SMPX: variants seen among roughly 807,000 people sequenced by gnomAD.
SMPX encodes small muscle protein X-linked.
SMPX carries 2 observed loss-of-function variants against 6.3 expected under a neutral mutation model. The observed-to-expected ratio is 0.32, with a 90% CI of 0.13 to 0.99. The LOEUF (loss-of-function observed/expected upper bound fraction) is 0.99, where lower values mean the gene tolerates loss of function less well. Among genes scored for constraint, SMPX ranks in the 50% least tolerant of loss-of-function variants. SMPX has a pLI of 0.49. For synonymous variants in SMPX, 32 were observed against 24.7 expected (o/e 1.30, Z -0.88); for missense variants, 60 against 66.8 (o/e 0.90, Z 0.36).
intron 4 of SMPX, among the ~76,000 whole-genome samples, chrX:21,707,859 T>G (rs1024635092): frequency 8.9e-6 from 1 of 112,222 alleles, no homozygotes; most frequent in Non-Finnish European, 1.9e-5. Context: ...CCAGATGACC[T>G]GCAGACACAT....
At chrX:21,756,284 A>G (rs1358338394) in intron 1 of SMPX, among the ~76,000 whole-genome samples, 1 of 112,324 alleles carries the variant, frequency 8.9e-6, no homozygotes. Flanking sequence ...TAGTCAATGA[A>G]TGATTGTTAT....
chrX:21,747,738 G>T (rs771050074), intron 2 of SMPX, among the ~76,000 whole-genome samples: 11 of 110,893 alleles, frequency 9.9e-5, no homozygotes, highest in Admixed American at 8.7e-4. Flanking sequence ...CTTTTCGTCC[G>T]CACTCTGTCT....
At chrX:21,743,979 C>T (rs1602109859) in intron 2 of SMPX, 143 bp from the exon 3 acceptor site, 1 of 486,880 alleles carries the variant, frequency 2.1e-6, no homozygotes, top group South Asian at 3.0e-5. Context: ...GCTGTAATGA[C>T]AGCATAAAAA....
At chrX:21,734,559 G>A (rs752886551) in intron 4 of SMPX, among the ~76,000 whole-genome samples, 2 of 111,851 alleles carry the variant, frequency 1.8e-5, no homozygotes, top group Non-Finnish European at 1.9e-5. Flanking sequence ...CAGCCAGGAG[G>A]ATTCCAAAAT....
At chrX:21,709,351 C>CCTGTTA (rs1295119190) in intron 4 of SMPX, among the ~76,000 whole-genome samples, 2 of 112,220 alleles carry the variant, frequency 1.8e-5, no homozygotes, top group Non-Finnish European at 3.8e-5. Flanking sequence ...CCATGATTCT[C>CCTGTTA]CATGTAACAT....
At chrX:21,714,008 T>G (rs1463849984) in intron 4 of SMPX, among the ~76,000 whole-genome samples, 1 of 112,177 alleles carries the variant, frequency 8.9e-6, no homozygotes. Flanking sequence ...TATATATCCA[T>G]GTAAGGCCTT....
intron 4 of SMPX, among the ~76,000 whole-genome samples, chrX:21,722,041 G>T (rs2092792267): frequency 9.1e-6 from 1 of 110,474 alleles, no homozygotes. Context: ...TGCACCTGTG[G>T]TCCCAGCTAC....
intron 4 of SMPX, among the ~76,000 whole-genome samples, chrX:21,715,230 C>A (rs1330531830): frequency 9.3e-6 from 1 of 107,959 alleles, no homozygotes; most frequent in African/African-American, 3.4e-5. Flanking sequence ...GATTTGAGAT[C>A]TTGTTTATAG....
intron 4 of SMPX, among the ~76,000 whole-genome samples, chrX:21,737,102 G>A (rs766671304): frequency 9.0e-6 from 1 of 111,061 alleles, no homozygotes; most frequent in South Asian, 3.9e-4. Flanking sequence ...TGAACTCCTG[G>A]GTCTCTGCCT....
chrX:21,726,182 T>C (rs1248844024), intron 4 of SMPX, among the ~76,000 whole-genome samples: 1 of 112,176 alleles, frequency 8.9e-6, no homozygotes, highest in East Asian at 2.8e-4. Context: ...TGTCCCACTC[T>C]TTCCAGCACA....
chrX:21,738,899 C>G (rs1488637234), intron 3 of SMPX, among the ~76,000 whole-genome samples: 2 of 111,372 alleles, frequency 1.8e-5, no homozygotes, highest in Non-Finnish European at 3.8e-5. Context: ...AACTCCCTCC[C>G]ATTTTTCCTT....
In SMPX at chrX:21,738,973, C is replaced by A. The variant is rs184359033; in HGVS notation, c.133-1276G>T. Among the ~76,000 whole-genome samples, 57 of 111,508 alleles carry A rather than the reference C, an allele frequency of 5.1e-4. 1 individual carries two copies. The Admixed American group carries it at 5.4e-3, about 11-fold the overall frequency. On this transcript the variant is annotated intron_variant, in intron 3 of 4. Transcript: ENST00000379494. ...CCTGAAGGACCCAAACTAACACAGACTGGCGCAGATCTCCATCTGCTTGGC... is the reference window on the plus strand; with the variant it reads ...CCTGAAGGACCCAAACTAACACAGAATGGCGCAGATCTCCATCTGCTTGGC...
Position 21,717,444 on chromosome X carries a change from A to G in SMPX, c.*15-11050T>C, listed in dbSNP as rs1296053488. Among the ~76,000 whole-genome samples, 4 of 112,502 alleles carry G rather than the reference A, an allele frequency of 3.6e-5. No homozygotes were observed. The East Asian group carries it at 1.1e-3, about 31-fold the overall frequency. ...CCCAGTCTCAAATATGTCTTTATTA[A>G]CAGCGTAAGAACAGACTAATACAGG... On this transcript the variant is annotated intron_variant, in intron 4 of 4. Transcript: ENST00000379494.
chrX:21,745,056 G>A (rs1171572864), intron 2 of SMPX, among the ~76,000 whole-genome samples: 1 of 111,249 alleles, frequency 9.0e-6, no homozygotes, highest in African/African-American at 3.3e-5. Context: ...TTCCTACCCA[G>A]GGGCTTTAAA....
intron 4 of SMPX, among the ~76,000 whole-genome samples, chrX:21,717,757 A>G (rs1180662320): frequency 8.9e-6 from 1 of 112,556 alleles, no homozygotes. Flanking sequence ...GAAGCCATGG[A>G]TGCTTTGCCC....
At chrX:21,714,904 T>C (rs1346993347) in intron 4 of SMPX, among the ~76,000 whole-genome samples, 1 of 112,279 alleles carries the variant, frequency 8.9e-6, no homozygotes, top group African/African-American at 3.2e-5. Context: ...ATACATTTCA[T>C]GCAAAACAAT....
chrX:21,720,259 C>A (rs1439032181), intron 4 of SMPX, among the ~76,000 whole-genome samples: 1 of 112,282 alleles, frequency 8.9e-6, no homozygotes, highest in African/African-American at 3.2e-5. Context: ...GAGTTGACTG[C>A]CATGTTGTGA....
chrX:21,707,063 C>A (rs1050200952), intron 4 of SMPX, among the ~76,000 whole-genome samples: 7 of 108,424 alleles, frequency 6.5e-5, no homozygotes, highest in Non-Finnish European at 1.3e-4. Flanking sequence ...ATCTGAAATT[C>A]GGTCTATTCT....
At chrX:21,757,920 G>A (rs949491100) in intron 1 of SMPX, 22 bp downstream of exon 1, 10 of 323,873 alleles carry the variant, frequency 3.1e-5, no homozygotes, top group Admixed American at 1.3e-4. Flanking sequence ...CCCAGTCGCC[G>A]GAGCTGCGTC....
Sources: allele counts gnomAD v4.1 joint callset (sites outside exome capture counted in the v4.1 genomes callset), GRCh38; gene constraint gnomAD v4.1.1; transcripts MANE v1.5; gene names NCBI Gene and HGNC (gene_info 2026-07-23, HGNC 2026-07-21).